The following SEPTIN12 variants were observed in gnomAD, a reference collection of about 807,000 sequenced individuals.
SEPTIN12 encodes the protein septin-12.
Under a neutral mutation model 37.7 loss-of-function variants are expected in SEPTIN12, and 42 were observed. That is an observed-to-expected ratio of 1.11 (90% CI 0.87 to 1.44). The LOEUF (loss-of-function observed/expected upper bound fraction) is 1.44. SEPTIN12 is among the 40% of genes most tolerant of loss of function. The pLI, the probability that SEPTIN12 is intolerant of heterozygous loss-of-function variation, is 0.00. For synonymous variants in SEPTIN12, 254 were observed against 196.7 expected (o/e 1.29, Z -2.44); for missense variants, 613 against 479.2 (o/e 1.28, Z -2.61).
chr16:4,780,132 A>G (rs983256449), intron 7 of SEPTIN12, among the ~76,000 whole-genome samples: 2 of 152,128 alleles, frequency 1.3e-5, no homozygotes, highest in Non-Finnish European at 2.9e-5. Context: ...ATAGCGTATT[A>G]TATAGCTCAC....
In SEPTIN12 at chr16:4,779,756, C is replaced by T. The variant is rs886130124; in HGVS notation, c.757G>A (p.Asp253Asn). Residue 253 changes from aspartate (D) to asparagine (N), a missense_variant, in exon 8 of 10, where the codon GAC becomes AAC. Coordinates refer to ENST00000268231, the MANE Select transcript of SEPTIN12 (RefSeq NM_144605.5). ...DRIPFAVVGA[D>N]QEHLVNGRCV... ...CTCCCGTTCACCAGGTGCTCTTGGT[C>T]AGCCCCTACCACGGCAAAAGGGATT... 2 of 1,613,306 alleles carry T rather than the reference C, an allele frequency of 1.2e-6. No homozygotes were observed. The highest frequency in any genetic ancestry group is 2.7e-5 in the African/African-American group (2 of 74,894).
At position 4,777,707 on chromosome 16, in the gene SEPTIN12, C is replaced by G; in HGVS notation, c.*90G>C. On this transcript the variant is annotated 3_prime_UTR_variant, in exon 10 of 10. Transcript: ENST00000268231. The stretch of plus-strand genomic sequence containing the variant: ...GCACAGCTTTTCATAAAAAGCAAGG[C>G]TCACATTTAATAGATGCTCTGGTAC... 3.1e-6 allele frequency: 3 copies of G among 972,698 alleles called. No homozygotes were observed. The highest frequency in any genetic ancestry group is 4.5e-6 in the Non-Finnish European group (3 of 669,058). The allele number at this position is 972,698 out of a possible 1,614,324, so 60.3% of individuals were successfully genotyped here. A position where few individuals can be genotyped will look rare whatever the true frequency, so the allele number is the denominator to read the frequency against.
chr16:4,790,052 C>G (rs2082527795), upstream of SEPTIN12: 1 of 151,854 alleles, frequency 6.6e-6, no homozygotes, highest in Non-Finnish European at 1.5e-5. Context: ...GTAGCTGGGA[C>G]TTCAGGTACG....
chr16:4,779,483 T>C (rs2082349295), intron 8 of SEPTIN12, among the ~76,000 whole-genome samples: 1 of 152,226 alleles, frequency 6.6e-6, no homozygotes, highest in African/African-American at 2.4e-5. Flanking sequence ...TGCACTGTGA[T>C]GCCCACTTTA....
chr16:4,786,353 C>CT lies in SEPTIN12; in HGVS notation c.167-249dup, dbSNP rs949470758. Among the ~76,000 whole-genome samples, 696 of 126,198 alleles carry CT rather than the reference C, an allele frequency of 5.5e-3. 7 individuals carry two copies. Among genetic ancestry groups the CT allele is most frequent in the African/African-American group, 1.0e-2 (319 of 31,938 alleles). The allele number at this position is 126,198 out of a possible 152,430, so 82.8% of individuals were successfully genotyped here. On this transcript the variant is annotated intron_variant, in intron 2 of 9. Transcript: ENST00000268231. ...CCATACCCAGCTGATTTTTGCACTG[C>CT]TTTTTTTTTTTTTTTTTTTGAGACG...
At chr16:4,782,255 C>CT (rs1316482189) in intron 7 of SEPTIN12, among the ~76,000 whole-genome samples, 2 of 152,012 alleles carry the variant, frequency 1.3e-5, no homozygotes, top group African/African-American at 4.8e-5. Flanking sequence ...CAGCCTTGAA[C>CT]TGTACACTTT....
rs79805205 is a variant in SEPTIN12 at position 4,779,640 on chromosome 16, G to A, written c.823+50C>T. 8,258 of 1,173,152 alleles carry A rather than the reference G, an allele frequency of 7.0e-3. 328 individuals carry two copies. The African/African-American group carries it at 0.1, about 14-fold the overall frequency. 72.7% of individuals were successfully genotyped at this position (1,173,152 alleles called of 1,614,324 possible). A position where few individuals can be genotyped will look rare whatever the true frequency, so the allele number is the denominator to read the frequency against. On this transcript the variant is annotated intron_variant, in intron 8 of 9. Coordinates refer to ENST00000268231, the MANE Select transcript of SEPTIN12 (RefSeq NM_144605.5). The stretch of plus-strand genomic sequence containing the variant: ...TGCGAAGGTTGCCCAAGGCTGCTCT[G>A]GTTTCCAAACTGACCCCACCTGCAT...
chr16:4,783,844 G>A, intron 5 of SEPTIN12, 78 bp from the exon 6 acceptor site: 1 of 1,601,050 alleles, frequency 6.2e-7, no homozygotes. Flanking sequence ...CGGGGGTGGG[G>A]GCAGCCGGCA....
At chr16:4,791,654 G>C (rs2082552957), upstream of SEPTIN12, among the ~76,000 whole-genome samples, 1 of 152,086 alleles carries the variant, frequency 6.6e-6, no homozygotes. Flanking sequence ...TCCTGTTACT[G>C]TCCTGCCTGG....
intron 2 of SEPTIN12, among the ~76,000 whole-genome samples, chr16:4,786,789 G>A (rs115884309): frequency 1.3e-5 from 2 of 152,096 alleles, no homozygotes; most frequent in Non-Finnish European, 2.9e-5. Context: ...TGGGATTCAG[G>A]TGCATGTCAC....
At chr16:4,789,187 T>C (rs1419284719), upstream of SEPTIN12, among the ~76,000 whole-genome samples, 2 of 152,106 alleles carry the variant, frequency 1.3e-5, no homozygotes, top group African/African-American at 4.8e-5. Context: ...TAATTTTGTA[T>C]TTTTAGTAGA....
At chr16:4,786,160 C>A (rs997183800) in intron 2 of SEPTIN12, 55 bp from the exon 3 acceptor site, 1 of 1,147,186 alleles carries the variant, frequency 8.7e-7, no homozygotes, top group Non-Finnish European at 1.2e-6. Context: ...GGCAGTTTTT[C>A]TCTAACTCTT....
At position 4,787,487 on chromosome 16, in the gene SEPTIN12, CATG is replaced by C; in HGVS notation, c.156_158del (p.Ile52del). 1.2e-6 allele frequency: 2 copies of C among 1,612,764 alleles called. No homozygotes were observed. The highest frequency in any genetic ancestry group is 1.7e-6 in the Non-Finnish European group (2 of 1,179,960). ...GCCCTACCTCTCACTCACCCACCAC[CATG>C]ATGTTGAACTCAAACCCCATCTTCA... On this transcript the variant is annotated inframe_deletion, in exon 2 of 10. Coordinates refer to ENST00000268231, the MANE Select transcript of SEPTIN12 (RefSeq NM_144605.5).
At chr16:4,778,506 A>G (rs1431244632) in intron 8 of SEPTIN12, among the ~76,000 whole-genome samples, 1 of 152,212 alleles carries the variant, frequency 6.6e-6, no homozygotes, top group Admixed American at 6.5e-5. Context: ...AGGCAATAGT[A>G]TAGTATATTT....
In SEPTIN12 at chr16:4,777,838, C is replaced by T. The variant is rs1012717072; in HGVS notation, c.1036G>A (p.Val346Ile). The T allele has an allele frequency of 3.1e-6, 5 of 1,592,022 alleles. No homozygotes were observed. The highest frequency in any genetic ancestry group is 4.3e-6 in the Non-Finnish European group (5 of 1,170,072). ...GQLTTPRTFK[V>I]CRGAHDDSDD... ...GAATCGTCATGGGCCCCCCTGCAGA[C>T]CTTGAAGGTCCGGGGGGTGGTCAGC... Residue 346 changes from valine to isoleucine, a missense_variant, in exon 10 of 10, where the codon GTC becomes ATC. Transcript: ENST00000268231.
rs565607418 is a variant in SEPTIN12, at chr16:4,783,750, T to C, written c.529A>G (p.Ile177Val). 4.3e-6 allele frequency: 7 copies of C among 1,613,760 alleles called. No individual in the cohort carries two copies. The Admixed American group carries it at 5.0e-5, about 12-fold the overall frequency. ...PTGHCLRPLDIEFLQRLCRTV... is the reference protein window; with the variant it reads ...PTGHCLRPLDVEFLQRLCRTV... ...CGGCACAGCCGCTGCAGGAACTCAA[T>C]GTCCAGGGGCCGCAGGCTGCCGGAG... is the stretch of plus-strand genomic sequence containing the variant. The change falls in exon 6 of 10, where the codon ATT (isoleucine) becomes GTT (valine). Residue 177 changes from isoleucine (I) to valine (V), a missense_variant. By Grantham distance (29) the Ile-to-Val change is conservative. Transcript: ENST00000268231.
rs778369816 is a variant in SEPTIN12, at chr16:4,783,558, C to A, written c.631-1G>T. 2 of 1,613,908 alleles carry A rather than the reference C, an allele frequency of 1.2e-6. No individual in the cohort carries two copies. The highest frequency in any genetic ancestry group is 8.5e-7 in the Non-Finnish European group (1 of 1,179,904). On this transcript the variant is annotated splice_acceptor_variant, in intron 6 of 9. Coordinates refer to ENST00000268231, the MANE Select transcript of SEPTIN12 (RefSeq NM_144605.5). LOFTEE classifies it high-confidence loss of function. ...AGTGGGTCCTCAGGTTCTGCTGGAT[C>A]TGGAGATCCCACACAGGTGACCTCA...
At chr16:4,791,576 T>C (rs1305581858), upstream of SEPTIN12, among the ~76,000 whole-genome samples, 1 of 152,152 alleles carries the variant, frequency 6.6e-6, no homozygotes, top group East Asian at 1.9e-4. Context: ...GTGGGTCTTA[T>C]GGCATGCAAT....
At chr16:4,785,472 C>A (rs2082426698) in intron 4 of SEPTIN12, among the ~76,000 whole-genome samples, 1 of 151,944 alleles carries the variant, frequency 6.6e-6, no homozygotes, top group Admixed American at 6.6e-5. Flanking sequence ...TGGCCCCCAC[C>A]TTTGAGAACC....
Sources: gnomAD v4.1 joint callset for allele counts (sites outside exome capture counted in the v4.1 genomes callset) on GRCh38, gnomAD v4.1.1 for gene constraint, MANE v1.5 for transcripts, NCBI Gene and HGNC (gene_info 2026-07-23, HGNC 2026-07-21) for gene names.